Variants in COLEC12 observed in about 807,000 individuals in gnomAD.
COLEC12 encodes the protein collectin subfamily member 12.
A neutral mutation model predicts 71.1 loss-of-function variants in COLEC12; 33 were observed. The observed-to-expected ratio is 0.46, with a 90% CI of 0.35 to 0.62. The LOEUF (loss-of-function observed/expected upper bound fraction) is 0.62. COLEC12 is among the 20% of genes least tolerant of loss of function. COLEC12 has a pLI of 0.00. For missense variants in COLEC12, 765 were observed against 916.1 expected, an observed-to-expected ratio of 0.84 and a Z score of 2.13; for synonymous variants, 350 against 353.0, an observed-to-expected ratio of 0.99 and a Z score of 0.10.
intron 2 of COLEC12, among the ~76,000 whole-genome samples, chr18:445,725 T>A (rs554517997): frequency 2.0e-5 from 3 of 150,780 alleles, no homozygotes; most frequent in Admixed American, 6.6e-5. Flanking sequence ...CTTCGCCACC[T>A]GGGCTCAAGT....
chr18:492,676 T>G (rs1489291898), intron 1 of COLEC12, among the ~76,000 whole-genome samples: 1 of 151,914 alleles, frequency 6.6e-6, no homozygotes, highest in Non-Finnish European at 1.5e-5. Flanking sequence ...AAACTAATGC[T>G]GTCCATTTCT....
intron 2 of COLEC12, among the ~76,000 whole-genome samples, chr18:440,873 TACTC>T (rs1177873639): frequency 6.6e-6 from 1 of 152,170 alleles, no homozygotes; most frequent in African/African-American, 2.4e-5. Context: ...AAGTTTCAAA[TACTC>T]ACAATAACAG....
At chr18:477,849 A>G (rs28650384) in intron 2 of COLEC12, among the ~76,000 whole-genome samples, 19,803 of 152,086 alleles carry the variant, frequency 0.13, 1,719 homozygotes, top group East Asian at 0.29. Context: ...TAGGGGCAGG[A>G]CCTAGAGGGT....
At position 428,828 on chromosome 18, in the gene COLEC12, C is replaced by T. The variant is rs372251726; in HGVS notation, c.58+51879G>A. Among the ~76,000 whole-genome samples, 31 of 152,024 alleles carry T rather than the reference C, an allele frequency of 2.0e-4. No homozygotes were observed. In the East Asian group the frequency reaches 5.8e-3, roughly 28 times the overall value. ...GTTTTTCTCCCTTTGGATTCAATTA[C>T]ATCAGGTCAAAATAGACTTGCTCAA... is the stretch of plus-strand genomic sequence containing the variant. On this transcript the variant is annotated intron_variant, in intron 2 of 9. Coordinates refer to ENST00000400256, the MANE Select transcript of COLEC12 (RefSeq NM_130386.3).
At chr18:454,009 C>T (rs1000014768) in intron 2 of COLEC12, among the ~76,000 whole-genome samples, 1 of 152,234 alleles carries the variant, frequency 6.6e-6, no homozygotes, top group Admixed American at 6.5e-5. Flanking sequence ...AGAGGCACAA[C>T]CTCCTACAGA....
chr18:368,769 G>C (rs973199109), intron 2 of COLEC12, among the ~76,000 whole-genome samples: 4 of 152,186 alleles, frequency 2.6e-5, no homozygotes, highest in Non-Finnish European at 2.9e-5. Flanking sequence ...CTGAGGCTGA[G>C]GCAGGAGAAT....
chr18:427,735 T>C (rs751218730), intron 2 of COLEC12, among the ~76,000 whole-genome samples: 5 of 152,142 alleles, frequency 3.3e-5, no homozygotes, highest in Non-Finnish European at 7.3e-5. Flanking sequence ...TGCGCACCTA[T>C]TGACTACATT....
chr18:337,458 A>C (rs1196726077), intron 5 of COLEC12, among the ~76,000 whole-genome samples: 2 of 152,168 alleles, frequency 1.3e-5, no homozygotes, highest in African/African-American at 4.8e-5. Flanking sequence ...CTCTGGACTT[A>C]ATTTGCTTAC....
intron 2 of COLEC12, among the ~76,000 whole-genome samples, chr18:441,759 G>A (rs767235264): frequency 6.6e-6 from 1 of 152,116 alleles, no homozygotes; most frequent in Non-Finnish European, 1.5e-5. Context: ...CTCTCTGGGA[G>A]GCCAAGACGG....
intron 2 of COLEC12, among the ~76,000 whole-genome samples, chr18:466,369 G>A (rs1019978559): frequency 2.0e-5 from 3 of 152,154 alleles, no homozygotes; most frequent in Non-Finnish European, 4.4e-5. Flanking sequence ...TAGAAGTTCC[G>A]TGGCCCTCCG....
At chr18:410,047 G>A (rs60034848) in intron 2 of COLEC12, among the ~76,000 whole-genome samples, 7,918 of 152,210 alleles carry the variant, frequency 0.052, 359 homozygotes, top group African/African-American at 0.12. Context: ...TCTGTAAATC[G>A]GGGTTAATAA....
At chr18:444,388 A>G (rs542219727) in intron 2 of COLEC12, among the ~76,000 whole-genome samples, 1 of 152,328 alleles carries the variant, frequency 6.6e-6, no homozygotes, top group South Asian at 2.1e-4. Context: ...GGGCTGATCC[A>G]GTGAAAATGC....
intron 1 of COLEC12, among the ~76,000 whole-genome samples, chr18:496,301 G>A (rs368479042): frequency 1.2e-4 from 18 of 152,300 alleles, no homozygotes; most frequent in East Asian, 5.8e-4. Context: ...TGGAACAACC[G>A]TGGGAAATTG....
intron 2 of COLEC12, among the ~76,000 whole-genome samples, chr18:466,693 C>T (rs1038647694): frequency 6.6e-6 from 1 of 152,162 alleles, no homozygotes; most frequent in Non-Finnish European, 1.5e-5. Flanking sequence ...GTTCCAGGTA[C>T]AGTGGTGAAC....
chr18:364,286 T>G (rs960425184), intron 2 of COLEC12, among the ~76,000 whole-genome samples: 2 of 152,238 alleles, frequency 1.3e-5, no homozygotes, highest in African/African-American at 4.8e-5. Flanking sequence ...CCACTCAGAG[T>G]ATGCAGTGTC....
intron 2 of COLEC12, among the ~76,000 whole-genome samples, chr18:474,388 C>T (rs1851277949): frequency 6.6e-6 from 1 of 152,222 alleles, no homozygotes; most frequent in African/African-American, 2.4e-5. Flanking sequence ...TTTCTCTTCA[C>T]ATGGTTTAAA....
At chr18:329,445 T>C (rs1256998941) in intron 8 of COLEC12, among the ~76,000 whole-genome samples, 1 of 152,192 alleles carries the variant, frequency 6.6e-6, no homozygotes, top group African/African-American at 2.4e-5. Context: ...TTGTCTTTTT[T>C]AAAAAACAGT....
At chr18:448,016 T>C (rs1916685886) in intron 2 of COLEC12, among the ~76,000 whole-genome samples, 1 of 152,150 alleles carries the variant, frequency 6.6e-6, no homozygotes, top group Non-Finnish European at 1.5e-5. Context: ...TGTGTGAAAA[T>C]ACGTATCCAA....
intron 2 of COLEC12, among the ~76,000 whole-genome samples, chr18:404,299 T>C (rs867220145): frequency 3.5e-4 from 53 of 152,342 alleles, no homozygotes; most frequent in African/African-American, 1.2e-3. Context: ...TTCCTCTGCC[T>C]GCTATTTGCA....
Sources: allele counts gnomAD v4.1 joint callset (sites outside exome capture counted in the v4.1 genomes callset), GRCh38; gene constraint gnomAD v4.1.1; transcripts MANE v1.5; gene names NCBI Gene and HGNC (gene_info 2026-07-23, HGNC 2026-07-21).